Variants in HEPACAM observed in about 807,000 individuals in gnomAD.
HEPACAM encodes hepatic and glial cell adhesion molecule.
Under a neutral mutation model 38.3 loss-of-function variants are expected in HEPACAM, and 18 were observed. That is an observed-to-expected ratio of 0.47 (90% CI 0.33 to 0.70). The LOEUF (loss-of-function observed/expected upper bound fraction) is 0.70, where lower values mean the gene tolerates loss of function less well. Ranked by LOEUF, HEPACAM falls within the 30% of genes least tolerant of loss-of-function variation. HEPACAM has a pLI of 0.03. For missense variants in HEPACAM, 466 were observed against 563.0 expected (o/e 0.83, Z 1.74); for synonymous variants, 216 against 243.1 (o/e 0.89, Z 1.04).
rs1947122125 is a variant in HEPACAM at position 124,920,858 on chromosome 11, A to C, written c.*280T>G. On this transcript the variant is annotated 3_prime_UTR_variant, in exon 7 of 7. Coordinates refer to ENST00000298251, the MANE Select transcript of HEPACAM (RefSeq NM_152722.5). ...CTTTTGGGTATTGGGCCAGAAATGT[A>C]ATAATCTATGTGGTCCTAAGAGGGC... 1 of 1,248,250 alleles carries C rather than the reference A, an allele frequency of 8.0e-7. No homozygotes were observed. Among genetic ancestry groups the C allele is most frequent in the Admixed American group, 4.0e-5 (1 of 24,732 alleles). 77.3% of individuals were successfully genotyped at this position (1,248,250 alleles called of 1,614,324 possible). A position where few individuals can be genotyped will look rare whatever the true frequency, so the allele number is the denominator to read the frequency against.
rs886047925 is a variant in HEPACAM, at chr11:124,920,678, C to CGGAAAAA, written c.*459_*460insTTTTTCC. The CGGAAAAA allele has an allele frequency of 1.6e-5, 9 of 575,258 alleles. No individual in the cohort carries two copies. Among genetic ancestry groups the CGGAAAAA allele is most frequent in the African/African-American group, 4.6e-5 (1 of 21,520 alleles). The allele number at this position is 575,258 out of a possible 1,614,324, so 35.6% of individuals were successfully genotyped here. ...AAGTGGCCTCTCTAATCTGAACTTG[C>CGGAAAAA]AAAAAAAAAAAAAAAAAAAAAAAAA... On this transcript the variant is annotated 3_prime_UTR_variant, in exon 7 of 7. Transcript: ENST00000298251.
At chr11:124,930,510 C>T (rs11219842) in intron 1 of HEPACAM, among the ~76,000 whole-genome samples, 5,444 of 152,186 alleles carry the variant, frequency 0.036, 111 homozygotes, top group East Asian at 0.077. Context: ...TTCAGGAATG[C>T]GTACCTAGTT....
At chr11:124,934,408 A>G (rs1947317821) in intron 1 of HEPACAM, among the ~76,000 whole-genome samples, 1 of 151,530 alleles carries the variant, frequency 6.6e-6, no homozygotes, top group Non-Finnish European at 1.5e-5. Context: ...ATGTGAACTT[A>G]TTTGGCAATG....
chr11:124,929,612 A>G (rs901001946), intron 1 of HEPACAM, among the ~76,000 whole-genome samples: 1 of 152,226 alleles, frequency 6.6e-6, no homozygotes, highest in Non-Finnish European at 1.5e-5. Context: ...TCTCCAAGGC[A>G]TCATAATATA....
At chr11:124,927,524 T>G (rs965840117) in intron 1 of HEPACAM, among the ~76,000 whole-genome samples, 4 of 88,008 alleles carry the variant, frequency 4.5e-5, no homozygotes, top group African/African-American at 1.7e-4. Flanking sequence ...TTTTTTTTTG[T>G]TTTTTTTTTT....
intron 1 of HEPACAM, among the ~76,000 whole-genome samples, chr11:124,930,101 C>A (rs1175245007): frequency 6.6e-6 from 1 of 152,172 alleles, no homozygotes; most frequent in Non-Finnish European, 1.5e-5. Flanking sequence ...GTCATAGATA[C>A]CCTTCCTTGG....
At chr11:124,927,510 G>GTTTTTTTTTTTTTTTTTTTTTT (rs763291809) in intron 1 of HEPACAM, among the ~76,000 whole-genome samples, 5 of 99,192 alleles carry the variant, frequency 5.0e-5, no homozygotes, top group Admixed American at 1.1e-4. Context: ...GCCCAGCTAG[G>GTTTTTTTTTTTTTTTTTTTTTT]TTTTTTTTTT....
Position 124,921,114 on chromosome 11 carries a change from C to T in HEPACAM, c.*24G>A, listed in dbSNP as rs1947127640. Reference sequence around the variant, plus strand: ...GGCCACTGGCCGCAGACCGCGGGCGCCTCTCAGGGGATCCCGAGGCGGCTC... The same window carrying T: ...GGCCACTGGCCGCAGACCGCGGGCGTCTCTCAGGGGATCCCGAGGCGGCTC... On this transcript the variant is annotated 3_prime_UTR_variant, in exon 7 of 7. Coordinates refer to ENST00000298251, the MANE Select transcript of HEPACAM (RefSeq NM_152722.5). The surrounding 1 kb of genome is among the most constrained non-coding windows in gnomAD (Gnocchi z 4.6). 2 of 1,523,492 alleles carry T rather than the reference C, an allele frequency of 1.3e-6. No individual in the cohort carries two copies. Among genetic ancestry groups the T allele is most frequent in the Non-Finnish European group, 1.8e-6 (2 of 1,141,990 alleles). 94.4% of individuals were successfully genotyped at this position (1,523,492 alleles called of 1,614,324 possible).
rs1468825138 is a variant in HEPACAM, at chr11:124,924,882, C to T, written c.273G>A (p.Leu91=). ...GGATACGGTCTCGATAGTCAGGCCGCAGGGTGCCGATGACCTCTGTGCCAA... is the reference window on the plus strand; with the variant it reads ...GGATACGGTCTCGATAGTCAGGCCGTAGGGTGCCGATGACCTCTGTGCCAA... ...QSIGTEVIGT[L]RPDYRDRIRL... is the part of the protein sequence containing the mutation. Residue 91 remains leucine (L), a synonymous_variant, in exon 2 of 7, where the codon CTG becomes CTA. Coordinates refer to ENST00000298251, the MANE Select transcript of HEPACAM (RefSeq NM_152722.5). The surrounding 1 kb of genome is among the most constrained non-coding windows in gnomAD (Gnocchi z 4.4). 2.5e-6 allele frequency: 4 copies of T among 1,614,232 alleles called. No individual in the cohort carries two copies. Among genetic ancestry groups the T allele is most frequent in the Non-Finnish European group, 3.4e-6 (4 of 1,180,048 alleles).
In HEPACAM at chr11:124,921,375, G is replaced by A. The variant is rs555345337; in HGVS notation, c.1014C>T (p.Pro338=). 2.1e-5 allele frequency: 27 copies of A among 1,272,116 alleles called. No homozygotes were observed. The highest frequency in any genetic ancestry group is 1.6e-4 in the Admixed American group (4 of 25,510). The allele number at this position is 1,272,116 out of a possible 1,614,324, so 78.8% of individuals were successfully genotyped here. ...EPRSATEPGP[P]GYSVSPAVPG... Reference sequence around the variant, plus strand: ...GCACGGCGGGAGACACGGAGTAGCCGGGCGGGCCGGGCTCCGTCGCGCTTC... The same window carrying A: ...GCACGGCGGGAGACACGGAGTAGCCAGGCGGGCCGGGCTCCGTCGCGCTTC... Residue 338 remains proline (P), a synonymous_variant, in exon 7 of 7, where the codon CCC becomes CCT. Transcript: ENST00000298251. This position sits in a 1 kb window ranked among gnomAD's most constrained non-coding sequence, Gnocchi z 4.6.
intron 1 of HEPACAM, among the ~76,000 whole-genome samples, chr11:124,934,872 A>AT (rs1246670971): frequency 6.6e-6 from 1 of 152,094 alleles, no homozygotes; most frequent in African/African-American, 2.4e-5. Context: ...AAAACCGCTC[A>AT]TTCCCTCACC....
chr11:124,930,550 T>TA (rs1947269728), intron 1 of HEPACAM, among the ~76,000 whole-genome samples: 1 of 152,322 alleles, frequency 6.6e-6, no homozygotes, highest in Admixed American at 6.5e-5. Flanking sequence ...CACAGAGAGT[T>TA]ACTATGTTTG....
intron 1 of HEPACAM, among the ~76,000 whole-genome samples, chr11:124,932,693 G>A (rs1210100045): frequency 1.3e-5 from 2 of 152,150 alleles, no homozygotes; most frequent in South Asian, 4.1e-4. Flanking sequence ...TTGTTGTTAA[G>A]TATGGCCATG....
intron 1 of HEPACAM, among the ~76,000 whole-genome samples, chr11:124,930,959 G>A (rs763371716): frequency 1.3e-5 from 2 of 152,198 alleles, no homozygotes; most frequent in East Asian, 1.9e-4. Context: ...GGACACGAAA[G>A]TGGTAACCAT....
At chr11:124,926,969 C>T (rs547004684) in intron 1 of HEPACAM, among the ~76,000 whole-genome samples, 88 of 152,032 alleles carry the variant, frequency 5.8e-4, no homozygotes, top group Middle Eastern at 3.4e-3. Context: ...CCCAGGTTCA[C>T]GCCATTCTCC....
At chr11:124,930,240 T>G (rs1052380554) in intron 1 of HEPACAM, among the ~76,000 whole-genome samples, 1 of 152,206 alleles carries the variant, frequency 6.6e-6, no homozygotes, top group Non-Finnish European at 1.5e-5. Context: ...TTTAATATTA[T>G]TCCTAATTAA....
chr11:124,921,079 CT>C lies in HEPACAM; in HGVS notation c.*58del. On this transcript the variant is annotated 3_prime_UTR_variant, in exon 7 of 7. Coordinates refer to ENST00000298251, the MANE Select transcript of HEPACAM (RefSeq NM_152722.5). The surrounding 1 kb of genome is among the most constrained non-coding windows in gnomAD (Gnocchi z 4.6). ...CCGCGCCCGGGCTTCCCAGCCCCAG[CT>C]TTCCCCCGGGCCACTGGCCGCAGAC... The C allele has an allele frequency of 6.6e-7, 1 of 1,506,976 alleles. No individual in the cohort carries two copies. Among genetic ancestry groups the C allele is most frequent in the Non-Finnish European group, 8.8e-7 (1 of 1,133,190 alleles). 93.4% of individuals were successfully genotyped at this position (1,506,976 alleles called of 1,614,324 possible). A position where few individuals can be genotyped will look rare whatever the true frequency, so the allele number is the denominator to read the frequency against.
Position 124,920,060 on chromosome 11 carries a change from G to C in HEPACAM, c.*1078C>G. ...TTTCTGTGCCCTGGGACCTGAGCAT[G>C]TGGGAGCAGGGCAGATGGGTGGCAG... On this transcript the variant is annotated 3_prime_UTR_variant, in exon 7 of 7. Coordinates refer to ENST00000298251, the MANE Select transcript of HEPACAM (RefSeq NM_152722.5). The C allele has an allele frequency of 6.3e-7, 1 of 1,592,026 alleles. No homozygotes were observed. Among genetic ancestry groups the C allele is most frequent in the East Asian group, 2.2e-5 (1 of 44,656 alleles).
chr11:124,920,765 A>G lies in HEPACAM; in HGVS notation c.*373T>C. ...GGAAGGGTGGTGGGTGGGAAACAAC[A>G]CAGCTCCCTAGGAAGAGCACAGGAT... On this transcript the variant is annotated 3_prime_UTR_variant, in exon 7 of 7. Transcript: ENST00000298251. The G allele has an allele frequency of 9.3e-7, 1 of 1,072,936 alleles. No individual in the cohort carries two copies. Among genetic ancestry groups the G allele is most frequent in the Non-Finnish European group, 1.1e-6 (1 of 887,148 alleles). 66.5% of individuals were successfully genotyped at this position (1,072,936 alleles called of 1,614,324 possible). A position where few individuals can be genotyped will look rare whatever the true frequency, so the allele number is the denominator to read the frequency against.
Sources: allele counts gnomAD v4.1 joint callset (sites outside exome capture counted in the v4.1 genomes callset), GRCh38; gene constraint gnomAD v4.1.1; non-coding constraint Gnocchi (gnomAD v3.1); transcripts MANE v1.5; gene names NCBI Gene and HGNC (gene_info 2026-07-23, HGNC 2026-07-21).